RFX7: variants seen among roughly 807,000 people sequenced by gnomAD.
RFX7 encodes the protein regulatory factor X7, also known as DNA-binding protein RFX7.
RFX7 carries 26 observed loss-of-function variants against 111.8 expected under a neutral mutation model. The ratio of observed to expected loss-of-function variants is 0.23; its 90% CI spans 0.17 to 0.32. The LOEUF is 0.32. RFX7 is among the 10% of genes least tolerant of loss of function. RFX7 has a pLI of 1.00. For synonymous variants in RFX7, 624 were observed against 624.4 expected (o/e 1.00, Z 0.01); for missense variants, 1,573 against 1,772.9 (o/e 0.89, Z 2.02).
At position 56,096,242 on chromosome 15, in the gene RFX7, T is replaced by C; in HGVS notation, c.1486A>G (p.Ser496Gly). The stretch of plus-strand genomic sequence containing the variant: ...TCTTCTGTTGTTCCTGTAGCACTGC[T>C]GACTGAGGCAGAATGTTTAAGAGGG... ...NTPLKHSASVSSATGTTEESR... is the reference protein window; with the variant it reads ...NTPLKHSASVGSATGTTEESR... Residue 496 changes from serine to glycine, a missense_variant, in exon 10 of 10, where the codon AGC (serine) becomes GGC (glycine). Around this residue, in one of 7 missense-constraint regions of RFX7, gnomAD observed 625 missense variants for 632.2 expected, o/e 0.99. Transcript: ENST00000559447. The C allele has an allele frequency of 1.9e-6, 3 of 1,613,992 alleles. No homozygotes were observed. The highest frequency in any genetic ancestry group is 2.5e-6 in the Non-Finnish European group (3 of 1,179,876).
chr15:56,126,729 A>G (rs2042150654), intron 5 of RFX7, among the ~76,000 whole-genome samples: 1 of 152,234 alleles, frequency 6.6e-6, no homozygotes, highest in African/African-American at 2.4e-5. Context: ...AAGCATGGCT[A>G]CAGTAACTGA....
intron 3 of RFX7, among the ~76,000 whole-genome samples, chr15:56,159,410 G>A (rs894602754): frequency 1.3e-5 from 2 of 152,128 alleles, no homozygotes; most frequent in Non-Finnish European, 2.9e-5. Flanking sequence ...AGATTTTATA[G>A]GTGACCATCA....
At chr15:56,229,415 G>T (rs556572709) in intron 2 of RFX7, among the ~76,000 whole-genome samples, 3 of 152,172 alleles carry the variant, frequency 2.0e-5, no homozygotes, top group African/African-American at 7.2e-5. Flanking sequence ...ACAGGTGCTC[G>T]CCACCACGCC....
chr15:56,102,224 G>A lies in RFX7; in HGVS notation c.548C>T (p.Ala183Val), dbSNP rs370281707. Residue 183 changes from alanine to valine, a missense_variant, in exon 7 of 10, where the codon GCT becomes GTT. By Grantham distance (64) the Ala-to-Val change is moderately conservative (BLOSUM62 0). Transcript: ENST00000559447. ...KYCYSGLRKK[A>V]FVHMPTLPNL... ...GGGCAGTGTTGGCATATGAACAAAA[G>A]CTTTTTTTCTTAGTCCACTGTAGCA... 3.1e-6 allele frequency: 5 copies of A among 1,612,116 alleles called. No homozygotes were observed. Among genetic ancestry groups the A allele is most frequent in the Non-Finnish European group, 4.2e-6 (5 of 1,178,882 alleles).
At chr15:56,179,198 G>T in intron 3 of RFX7, 72 bp downstream of exon 3, 1 of 711,606 alleles carries the variant, frequency 1.4e-6, no homozygotes, top group South Asian at 1.8e-5. Context: ...ATATTTACTT[G>T]AAAACTGTAT....
At chr15:56,125,616 T>A (rs1276245426) in intron 5 of RFX7, among the ~76,000 whole-genome samples, 1 of 87,086 alleles carries the variant, frequency 1.1e-5, no homozygotes, top group African/African-American at 4.3e-5. Flanking sequence ...TGTGAGTGTG[T>A]GTGTGTGTGT....
chr15:56,098,424 GAA>G, intron 8 of RFX7, 48 bp from the exon 9 acceptor site: 1 of 1,502,844 alleles, frequency 6.7e-7, no homozygotes, highest in East Asian at 2.4e-5. Flanking sequence ...CTCCTTTATA[GAA>G]GGGAGGTTCC....
intron 3 of RFX7, among the ~76,000 whole-genome samples, chr15:56,163,977 CAT>C (rs1480486265): frequency 6.6e-6 from 1 of 152,082 alleles, no homozygotes; most frequent in African/African-American, 2.4e-5. Flanking sequence ...ACGTAATGCA[CAT>C]GAGTACAGTA....
chr15:56,141,172 T>C (rs1011648729), intron 5 of RFX7, among the ~76,000 whole-genome samples: 1 of 152,052 alleles, frequency 6.6e-6, no homozygotes, highest in Non-Finnish European at 1.5e-5. Flanking sequence ...GGTAAAACTC[T>C]TTCTCTACAA....
At chr15:56,179,672 T>C (rs1430367561) in intron 2 of RFX7, among the ~76,000 whole-genome samples, 4 of 152,014 alleles carry the variant, frequency 2.6e-5, no homozygotes, top group African/African-American at 9.7e-5. Context: ...ATAATTTGCT[T>C]AGCACTTAAA....
chr15:56,090,208 A>G lies in RFX7; in HGVS notation c.*3137T>C, dbSNP rs1321815446. ...ATTTTCTATTCAGAGCTCCAGAAAT[A>G]TACTTACCTAGGTACTCCATAGGCT... On this transcript the variant is annotated 3_prime_UTR_variant, in exon 10 of 10. Transcript: ENST00000559447. 6.6e-6 allele frequency: 1 copy of G among 152,224 alleles called. No individual in the cohort carries two copies. The highest frequency in any genetic ancestry group is 1.5e-5 in the Non-Finnish European group (1 of 68,022). The allele number at this position is 152,224 out of a possible 1,614,324, so 9.4% of individuals were successfully genotyped here. A position where few individuals can be genotyped will look rare whatever the true frequency, so the allele number is the denominator to read the frequency against.
intron 5 of RFX7, among the ~76,000 whole-genome samples, chr15:56,107,534 C>G (rs1405500245): frequency 6.6e-6 from 1 of 151,924 alleles, no homozygotes; most frequent in African/African-American, 2.4e-5. Context: ...AACAATGAAT[C>G]ACAAAAGACT....
chr15:56,101,642 T>C (rs1363814400), intron 7 of RFX7, 76 bp from the exon 8 acceptor site: 5 of 1,263,364 alleles, frequency 4.0e-6, no homozygotes, highest in South Asian at 1.3e-5. Flanking sequence ...AAGATATGTA[T>C]TCTTAATTAG....
chr15:56,212,148 T>C (rs747939069), intron 2 of RFX7, among the ~76,000 whole-genome samples: 5 of 152,270 alleles, frequency 3.3e-5, no homozygotes, highest in Non-Finnish European at 5.9e-5. Flanking sequence ...GGTATATCTA[T>C]TAATGGAATA....
chr15:56,201,169 A>G (rs1223566999), intron 2 of RFX7, among the ~76,000 whole-genome samples: 1 of 152,194 alleles, frequency 6.6e-6, no homozygotes, highest in Non-Finnish European at 1.5e-5. Context: ...GCCTACAGGT[A>G]TACTTGTAAG....
At chr15:56,172,537 C>G (rs2042856516) in intron 3 of RFX7, among the ~76,000 whole-genome samples, 1 of 152,064 alleles carries the variant, frequency 6.6e-6, no homozygotes, top group Non-Finnish European at 1.5e-5. Context: ...GATCAGCATT[C>G]AGACAGGCAG....
chr15:56,196,746 T>A (rs1009063322), intron 2 of RFX7, among the ~76,000 whole-genome samples: 11 of 152,366 alleles, frequency 7.2e-5, no homozygotes, highest in Non-Finnish European at 5.9e-5. Context: ...TACTTTGTTA[T>A]GGTTGCCCTA....
chr15:56,221,411 C>T (rs1282032878), intron 2 of RFX7, among the ~76,000 whole-genome samples: 2 of 152,028 alleles, frequency 1.3e-5, no homozygotes, highest in Admixed American at 1.3e-4. Flanking sequence ...AAGCTGTATT[C>T]TTAGGTTATA....
intron 2 of RFX7, among the ~76,000 whole-genome samples, chr15:56,222,935 G>T (rs2043442078): frequency 6.6e-6 from 1 of 152,116 alleles, no homozygotes; most frequent in Non-Finnish European, 1.5e-5. Context: ...GTTTTTGCAT[G>T]AAGTTATTTA....
Sources: allele counts gnomAD v4.1 joint callset (sites outside exome capture counted in the v4.1 genomes callset), GRCh38; gene constraint gnomAD v4.1.1; regional missense constraint gnomAD v4.1.1; transcripts MANE v1.5; gene names NCBI Gene and HGNC (gene_info 2026-07-23, HGNC 2026-07-21).